The following TIAM1 variants were observed in gnomAD, a reference collection of about 807,000 sequenced individuals.
TIAM1 encodes the protein TIAM Rac1 associated GEF 1.
In TIAM1, 65 loss-of-function variants were observed where a neutral mutation model predicts 163.5. The observed-to-expected ratio is 0.40, with a 90% confidence interval of 0.33 to 0.49. The LOEUF (loss-of-function observed/expected upper bound fraction) is 0.49. Among genes scored for constraint, TIAM1 ranks in the 20% least tolerant of loss-of-function variants. TIAM1 has a pLI of 0.77. For synonymous variants in TIAM1, 833 were observed against 810.1 expected (o/e 1.03, Z -0.48); for missense variants, 1,789 against 2,044.7 (o/e 0.87, Z 2.41).
chr21:31,299,276 C>G (rs1442420611), intron 2 of TIAM1, among the ~76,000 whole-genome samples: 1 of 152,196 alleles, frequency 6.6e-6, no homozygotes, highest in African/African-American at 2.4e-5. Flanking sequence ...TCCCCTATGC[C>G]TTTCGCAGCC....
intron 1 of TIAM1, among the ~76,000 whole-genome samples, chr21:31,478,757 G>A (rs1291665474): frequency 6.6e-6 from 1 of 152,174 alleles, no homozygotes; most frequent in Non-Finnish European, 1.5e-5. Context: ...AAAGCACGCT[G>A]TCAGAAGCCA....
intron 2 of TIAM1, among the ~76,000 whole-genome samples, chr21:31,410,081 G>C (rs116180638): frequency 0.012 from 1,713 of 145,346 alleles, 39 homozygotes; most frequent in African/African-American, 0.044. Flanking sequence ...CACTGAGGGC[G>C]TAGCAGTGTG....
chr21:31,153,512 T>C (rs1415589721), intron 17 of TIAM1, among the ~76,000 whole-genome samples: 1 of 152,132 alleles, frequency 6.6e-6, no homozygotes, highest in Non-Finnish European at 1.5e-5. Context: ...TAACCCCTGA[T>C]TTAAAAGACT....
intron 1 of TIAM1, among the ~76,000 whole-genome samples, chr21:31,544,079 A>G (rs1383141963): frequency 6.6e-6 from 1 of 151,624 alleles, no homozygotes; most frequent in Non-Finnish European, 1.5e-5. Context: ...GCATGGTGGC[A>G]AGTGCCTGTA....
intron 15 of TIAM1, among the ~76,000 whole-genome samples, chr21:31,172,296 A>T (rs1244906242): frequency 6.6e-6 from 1 of 151,992 alleles, no homozygotes; most frequent in Non-Finnish European, 1.5e-5. Context: ...AACATGGTCA[A>T]GTTTGTTTGT....
intron 3 of TIAM1, among the ~76,000 whole-genome samples, chr21:31,268,170 G>A (rs1312465843): frequency 1.3e-5 from 2 of 152,184 alleles, no homozygotes; most frequent in Non-Finnish European, 2.9e-5. Context: ...CACCTATAGA[G>A]CCATTCATTC....
At chr21:31,309,761 A>C (rs2074852969) in intron 2 of TIAM1, among the ~76,000 whole-genome samples, 1 of 152,230 alleles carries the variant, frequency 6.6e-6, no homozygotes, top group Non-Finnish European at 1.5e-5. Flanking sequence ...AAGAAACTAT[A>C]TGAAAAACCC....
intron 6 of TIAM1, among the ~76,000 whole-genome samples, chr21:31,228,992 C>T (rs528843883): frequency 6.6e-6 from 1 of 152,284 alleles, no homozygotes; most frequent in East Asian, 1.9e-4. Flanking sequence ...GAGGTAACCG[C>T]CCCCATGATT....
At chr21:31,452,321 C>A (rs1255754733) in intron 2 of TIAM1, 2 of 203,742 alleles carry the variant, frequency 9.8e-6, no homozygotes, top group African/African-American at 2.4e-5. Context: ...CACCTATAGT[C>A]CCAGCTACTC....
chr21:31,486,227 C>T (rs918483385), intron 1 of TIAM1, among the ~76,000 whole-genome samples: 4 of 152,208 alleles, frequency 2.6e-5, no homozygotes, highest in Admixed American at 6.5e-5. Flanking sequence ...AGCACTGGAA[C>T]GCAGGACACT....
chr21:31,292,578 T>G (rs1005861288), intron 2 of TIAM1, among the ~76,000 whole-genome samples: 1 of 151,482 alleles, frequency 6.6e-6, no homozygotes, highest in Admixed American at 6.6e-5. Flanking sequence ...CTATGTTGGC[T>G]AGGCTGGTCT....
chr21:31,248,429 G>A (rs758553861), intron 5 of TIAM1, among the ~76,000 whole-genome samples: 5 of 152,168 alleles, frequency 3.3e-5, no homozygotes, highest in African/African-American at 4.8e-5. Flanking sequence ...AGATGAACGC[G>A]AAGCAGCAAA....
chr21:31,543,943 G>A (rs976997438), intron 1 of TIAM1, among the ~76,000 whole-genome samples: 1 of 152,214 alleles, frequency 6.6e-6, no homozygotes, highest in Non-Finnish European at 1.5e-5. Flanking sequence ...CAGCACAGTG[G>A]CTCACGCCTG....
intron 2 of TIAM1, among the ~76,000 whole-genome samples, chr21:31,388,783 A>G (rs2076921752): frequency 6.6e-6 from 1 of 152,260 alleles, no homozygotes; most frequent in Non-Finnish European, 1.5e-5. Context: ...TTGAATCTAC[A>G]TCACAGAGTT....
chr21:31,182,415 C>T lies in TIAM1; in HGVS notation c.2887+6G>A, dbSNP rs771768973. The T allele has an allele frequency of 6.4e-7, 1 of 1,554,998 alleles. No homozygotes were observed. The highest frequency in any genetic ancestry group is 8.7e-7 in the Non-Finnish European group (1 of 1,153,542). The stretch of plus-strand genomic sequence containing the variant: ...GACTCGCCCCCAGCACCCTGCACAG[C>T]CATACCTGGGTTGCTGGTGAGAAAG... On this transcript the variant is annotated splice_donor_region_variant and intron_variant, in intron 15 of 27. Transcript: ENST00000541036.
Position 31,154,261 on chromosome 21 carries a change from G to A in TIAM1, c.3157C>T (p.Arg1053Cys), listed in dbSNP as rs144786927. The part of the protein sequence containing the change: ...KVICELLETE[R>C]TYVKDLNCLM... Reference sequence around the variant, plus strand: ...AAGAAACATACCTTCACGTAGGTGCGCTCCGTCTCCAGGAGCTCGCAGATC... The same window carrying A: ...AAGAAACATACCTTCACGTAGGTGCACTCCGTCTCCAGGAGCTCGCAGATC... Residue 1053 changes from arginine to cysteine, a missense_variant, in exon 17 of 28, where the codon CGC becomes TGC. By Grantham distance (180) the Arg-to-Cys change is radical (BLOSUM62 -3). This residue lies in a region of TIAM1 where 303 missense variants were observed against 321.3 expected (regional missense o/e 0.94). Coordinates refer to ENST00000541036, the MANE Select transcript of TIAM1 (RefSeq NM_001353694.2). The A allele has an allele frequency of 3.0e-5, 48 of 1,613,796 alleles. No homozygotes were observed. The highest frequency in any genetic ancestry group is 5.3e-5 in the African/African-American group (4 of 74,882).
intron 23 of TIAM1, 117 bp downstream of exon 23, chr21:31,135,816 T>A (rs2146255552): frequency 1.1e-6 from 1 of 916,806 alleles, no homozygotes; most frequent in East Asian, 2.6e-5. Context: ...GAAGACCGAT[T>A]CAAGTAACTG....
At chr21:31,461,128 T>G (rs1040015291) in intron 2 of TIAM1, among the ~76,000 whole-genome samples, 10 of 152,100 alleles carry the variant, frequency 6.6e-5, no homozygotes, top group African/African-American at 2.4e-4. Context: ...GGTAGCATAC[T>G]CCTATGAAAG....
At chr21:31,214,652 A>G (rs1019548904) in intron 9 of TIAM1, among the ~76,000 whole-genome samples, 1 of 152,332 alleles carries the variant, frequency 6.6e-6, no homozygotes. Context: ...TAGGGTAACA[A>G]TGCCACTAGG....
Sources: gnomAD v4.1 joint callset for allele counts (sites outside exome capture counted in the v4.1 genomes callset) on GRCh38, gnomAD v4.1.1 for gene constraint, gnomAD v4.1.1 regional missense constraint, MANE v1.5 for transcripts, NCBI Gene and HGNC (gene_info 2026-07-23, HGNC 2026-07-21) for gene names.